GNAL: variants seen among roughly 807,000 people sequenced by gnomAD.
The protein encoded by GNAL is G protein subunit alpha L.
A neutral mutation model predicts 55.1 loss-of-function variants in GNAL; 18 were observed. The ratio of observed to expected loss-of-function variants is 0.33; its 90% CI spans 0.23 to 0.48. The LOEUF (loss-of-function observed/expected upper bound fraction) is 0.48. Among genes scored for constraint, GNAL ranks in the 20% least tolerant of loss-of-function variants. The pLI, the probability that GNAL is intolerant of heterozygous loss-of-function variation, is 0.99. For synonymous variants in GNAL, 253 were observed against 237.0 expected, an observed-to-expected ratio of 1.07 and a Z score of -0.62; for missense variants, 412 against 614.1, an observed-to-expected ratio of 0.67 and a Z score of 3.48.
intron 6 of GNAL, 139 bp downstream of exon 6, chr18:11,862,588 T>A: frequency 1.5e-6 from 1 of 672,186 alleles, no homozygotes. Flanking sequence ...TACTGCCCTG[T>A]GTGTGTGCGT....
At chr18:11,747,989 C>A (rs2032729765) in intron 1 of GNAL, among the ~76,000 whole-genome samples, 1 of 152,174 alleles carries the variant, frequency 6.6e-6, no homozygotes, top group African/African-American at 2.4e-5. Flanking sequence ...CGCCACTCTG[C>A]TCTTGGTACC....
At chr18:11,862,568 A>T (rs1440849587) in intron 6 of GNAL, 119 bp downstream of exon 6, 3 of 846,188 alleles carry the variant, frequency 3.5e-6, no homozygotes, top group Non-Finnish European at 5.9e-6. Flanking sequence ...TACTTTTTGC[A>T]AATTGTTTGT....
At chr18:11,730,220 C>T (rs1013510339) in intron 1 of GNAL, among the ~76,000 whole-genome samples, 4 of 150,258 alleles carry the variant, frequency 2.7e-5, no homozygotes, top group Non-Finnish European at 4.4e-5. Flanking sequence ...AGTGCAGTGG[C>T]ACGATCTCAG....
At chr18:11,819,627 T>A (rs1163630463) in intron 4 of GNAL, among the ~76,000 whole-genome samples, 1 of 152,118 alleles carries the variant, frequency 6.6e-6, no homozygotes, top group Admixed American at 6.5e-5. Flanking sequence ...TAATTTTCTT[T>A]TTATGCTTTC....
intron 1 of GNAL, among the ~76,000 whole-genome samples, chr18:11,690,624 A>C (rs1327080862): frequency 3.0e-5 from 3 of 99,628 alleles, no homozygotes; most frequent in South Asian, 3.7e-4. Context: ...CCCACCCCAC[A>C]ACAGTCCCCA....
intron 4 of GNAL, among the ~76,000 whole-genome samples, chr18:11,786,146 C>G (rs1430594231): frequency 6.6e-6 from 1 of 152,114 alleles, no homozygotes; most frequent in Non-Finnish European, 1.5e-5. Flanking sequence ...CCCTGGAATT[C>G]CGTGCACATT....
intron 4 of GNAL, among the ~76,000 whole-genome samples, chr18:11,808,411 G>A (rs2034721208): frequency 6.6e-6 from 1 of 152,170 alleles, no homozygotes; most frequent in Non-Finnish European, 1.5e-5. Context: ...AGAATGTTGG[G>A]ACTATCTCTG....
intron 5 of GNAL, among the ~76,000 whole-genome samples, chr18:11,861,705 A>G (rs2143834937): frequency 6.6e-6 from 1 of 152,162 alleles, no homozygotes; most frequent in East Asian, 1.9e-4. Flanking sequence ...AAGGGTCATC[A>G]CCCAAGAGCG....
chr18:11,871,531 G>T (rs1242451525), intron 9 of GNAL, among the ~76,000 whole-genome samples: 1 of 152,174 alleles, frequency 6.6e-6, no homozygotes, highest in East Asian at 1.9e-4. Context: ...TTACAGGCGT[G>T]AGCCACCACA....
chr18:11,866,483 G>T (rs1156754736), intron 7 of GNAL, among the ~76,000 whole-genome samples: 1 of 150,386 alleles, frequency 6.6e-6, no homozygotes, highest in Non-Finnish European at 1.5e-5. Flanking sequence ...CGCCTTATGC[G>T]CTGAGCAGGG....
chr18:11,863,441 C>G (rs1054018468), intron 6 of GNAL, among the ~76,000 whole-genome samples: 2 of 152,158 alleles, frequency 1.3e-5, no homozygotes, highest in African/African-American at 2.4e-5. Flanking sequence ...TCTCTCTCTC[C>G]CATGAAGTTT....
chr18:11,854,712 C>A (rs1425962575), intron 5 of GNAL, among the ~76,000 whole-genome samples: 1 of 151,588 alleles, frequency 6.6e-6, no homozygotes, highest in Admixed American at 6.6e-5. Context: ...ACCTGGGAGG[C>A]GGAGGTTGAG....
At chr18:11,788,914 A>ATATAT (rs1555650656) in intron 4 of GNAL, among the ~76,000 whole-genome samples, 695 of 56,118 alleles carry the variant, frequency 0.012, 7 homozygotes, top group Non-Finnish European at 0.016. Context: ...AAAAAAAAAA[A>ATATAT]ATATATATAT....
At chr18:11,782,082 C>T (rs572797010) in intron 4 of GNAL, among the ~76,000 whole-genome samples, 28 of 152,246 alleles carry the variant, frequency 1.8e-4, no homozygotes, top group African/African-American at 6.0e-4. Flanking sequence ...TTTGGGAAGT[C>T]GACATGGGCG....
chr18:11,791,899 C>CACAGGTATCTCCCCTGGT (rs1555650956), intron 4 of GNAL, among the ~76,000 whole-genome samples: 6 of 152,182 alleles, frequency 3.9e-5, no homozygotes, highest in African/African-American at 1.4e-4. Context: ...CCTCACCTCT[C>CACAGGTATCTCCCCTGGT]ACAGGTGTCT....
chr18:11,743,989 T>C (rs1462958660), intron 1 of GNAL, among the ~76,000 whole-genome samples: 1 of 152,198 alleles, frequency 6.6e-6, no homozygotes. Context: ...AGGTTCCTCT[T>C]GTTATGCTTT....
chr18:11,785,518 C>T (rs929143886), intron 4 of GNAL, among the ~76,000 whole-genome samples: 3 of 152,248 alleles, frequency 2.0e-5, no homozygotes, highest in Admixed American at 1.3e-4. Flanking sequence ...CTCTGGCCCC[C>T]GCCCAGGCCT....
intron 1 of GNAL, chr18:11,745,916 A>C (rs536804033): frequency 1.4e-5 from 3 of 209,184 alleles, no homozygotes; most frequent in African/African-American, 2.3e-5. Flanking sequence ...CAAAAGAGGG[A>C]TTGAGCAAAC....
At chr18:11,717,314 G>A (rs925884790) in intron 1 of GNAL, among the ~76,000 whole-genome samples, 1 of 152,220 alleles carries the variant, frequency 6.6e-6, no homozygotes, top group African/African-American at 2.4e-5. Context: ...AGCTGAGGGA[G>A]CCGGCTCTGG....
Sources: allele counts gnomAD v4.1 joint callset (sites outside exome capture counted in the v4.1 genomes callset), GRCh38; gene constraint gnomAD v4.1.1; transcripts MANE v1.5; gene names NCBI Gene and HGNC (gene_info 2026-07-23, HGNC 2026-07-21).